SLC38A8: variants seen among roughly 807,000 people sequenced by gnomAD.
SLC38A8 encodes the protein amino acid transporter SLC38A8.
A neutral mutation model predicts 46.0 loss-of-function variants in SLC38A8; 65 were observed. The observed-to-expected ratio is 1.41, with a 90% CI of 1.16 to 1.74. The LOEUF is 1.74. Ranked by LOEUF, SLC38A8 falls within the 40% of genes most tolerant of loss-of-function variation. The pLI, the probability that SLC38A8 is intolerant of heterozygous loss-of-function variation, is 0.00. For missense variants in SLC38A8, 998 were observed against 567.9 expected (o/e 1.76, Z -7.70); for synonymous variants, 447 against 243.7 (o/e 1.83, Z -7.77).
At chr16:84,041,187 G>A (rs1051519547) in intron 2 of SLC38A8, 1 of 152,304 alleles carries the variant, frequency 6.6e-6, no homozygotes, top group Admixed American at 6.5e-5. Flanking sequence ...TTCCCCAAAA[G>A]GGAATTCTGG....
chr16:84,030,656 A>C (rs1331989574), intron 5 of SLC38A8, among the ~76,000 whole-genome samples: 1 of 152,132 alleles, frequency 6.6e-6, no homozygotes, highest in Non-Finnish European at 1.5e-5. Context: ...TCAAGCTGAG[A>C]GCTCCAAGTT....
Position 84,029,419 on chromosome 16 carries a change from G to T in SLC38A8, c.690+75C>A, listed in dbSNP as rs1242596096. ...GACGCCTCCCTGACAGAGAAACCAA[G>T]GTTTCCCAAGGGAGCAGAGAGTCAC... On this transcript the variant is annotated intron_variant, in intron 6 of 10. Coordinates refer to ENST00000299709, the MANE Select transcript of SLC38A8 (RefSeq NM_001080442.3). 3.3e-6 allele frequency: 5 copies of T among 1,524,586 alleles called. No homozygotes were observed. In the Admixed American group the frequency reaches 8.9e-5, roughly 27 times the overall value. 94.4% of individuals were successfully genotyped at this position (1,524,586 alleles called of 1,614,324 possible).
At chr16:84,041,946 G>A in intron 2 of SLC38A8, 23 bp downstream of exon 2, 2 of 1,554,582 alleles carry the variant, frequency 1.3e-6, no homozygotes, top group Non-Finnish European at 1.7e-6. Context: ...CCCGTCCCCA[G>A]GACTCACTTC....
At chr16:84,036,933 T>G (rs777541574) in intron 2 of SLC38A8, 33 bp from the exon 3 acceptor site, 2 of 1,573,978 alleles carry the variant, frequency 1.3e-6, no homozygotes, top group African/African-American at 1.4e-5. Flanking sequence ...GGAACTGGGG[T>G]GTGCCCACAG....
At chr16:84,029,312 C>T (rs2085208609) in intron 6 of SLC38A8, among the ~76,000 whole-genome samples, 182 bp downstream of exon 6, 1 of 152,230 alleles carries the variant, frequency 6.6e-6, no homozygotes, top group Non-Finnish European at 1.5e-5. Flanking sequence ...CAGACACCAA[C>T]CCATCCTCAT....
intron 6 of SLC38A8, among the ~76,000 whole-genome samples, chr16:84,023,449 G>A (rs2085119660): frequency 6.6e-6 from 1 of 152,076 alleles, no homozygotes; most frequent in African/African-American, 2.4e-5. Flanking sequence ...AAGATTTTGA[G>A]CGTTATTCCC....
chr16:84,022,665 T>C (rs146822995), intron 7 of SLC38A8, 110 bp downstream of exon 7: 25 of 780,326 alleles, frequency 3.2e-5, no homozygotes, highest in Non-Finnish European at 4.6e-5. Flanking sequence ...GCTCAAAACA[T>C]TGAGTATTGA....
At chr16:84,033,979 T>C (rs2085274882) in intron 3 of SLC38A8, among the ~76,000 whole-genome samples, 1 of 152,154 alleles carries the variant, frequency 6.6e-6, no homozygotes, top group Admixed American at 6.5e-5. Context: ...GGTAGAGAGT[T>C]AGTACAGGGC....
chr16:84,032,278 T>A (rs965697016), intron 4 of SLC38A8, among the ~76,000 whole-genome samples: 2 of 152,140 alleles, frequency 1.3e-5, no homozygotes, highest in Non-Finnish European at 2.9e-5. Context: ...AAACTCTGCC[T>A]CCCGGGTTCA....
chr16:84,037,058 A>G (rs1567703996), intron 2 of SLC38A8, among the ~76,000 whole-genome samples, 158 bp from the exon 3 acceptor site: 1 of 151,858 alleles, frequency 6.6e-6, no homozygotes, highest in Non-Finnish European at 1.5e-5. Flanking sequence ...ATGTCACTGC[A>G]CACACCCCCA....
chr16:84,032,554 C>G (rs1309697425), intron 4 of SLC38A8, among the ~76,000 whole-genome samples: 1 of 152,178 alleles, frequency 6.6e-6, no homozygotes, highest in Admixed American at 6.5e-5. Flanking sequence ...TTCCCACCAG[C>G]AAAAGCTAAT....
intron 7 of SLC38A8, among the ~76,000 whole-genome samples, chr16:84,018,289 G>A (rs1025866315): frequency 7.2e-6 from 1 of 139,384 alleles, no homozygotes; most frequent in South Asian, 2.3e-4. Context: ...CTGGAGTGCA[G>A]TGGCACGATC....
At chr16:84,027,833 G>T (rs1333186015) in intron 6 of SLC38A8, among the ~76,000 whole-genome samples, 1 of 152,192 alleles carries the variant, frequency 6.6e-6, no homozygotes, top group Non-Finnish European at 1.5e-5. Context: ...GGCGGCCCCG[G>T]CGTAGGTCTG....
At chr16:84,017,363 G>T (rs546004435) in intron 7 of SLC38A8, 76 bp from the exon 8 acceptor site, 1 of 1,550,496 alleles carries the variant, frequency 6.4e-7, no homozygotes, top group Non-Finnish European at 8.8e-7. Context: ...CAGACAGACA[G>T]CGCCTGGCTT....
Position 84,036,693 on chromosome 16 carries a change from G to C in SLC38A8, c.388+9C>G. 6.2e-7 allele frequency: 1 copy of C among 1,613,986 alleles called. No homozygotes were observed. Among genetic ancestry groups the C allele is most frequent in the Non-Finnish European group, 8.5e-7 (1 of 1,180,008 alleles). The stretch of plus-strand genomic sequence containing the variant: ...CCTGGGCCACCCCGAGTCCCATGAA[G>C]GTACTTACGCTTCTCCAGCTGGTCC... On this transcript the variant is annotated intron_variant, in intron 3 of 10. Coordinates refer to ENST00000299709, the MANE Select transcript of SLC38A8 (RefSeq NM_001080442.3).
At chr16:84,040,383 A>C (rs74670621) in intron 2 of SLC38A8, among the ~76,000 whole-genome samples, 7,166 of 152,254 alleles carry the variant, frequency 0.047, 190 homozygotes, top group Middle Eastern at 0.16. Flanking sequence ...AAGCAAAACA[A>C]AACAGCTGTT....
At position 84,009,749 on chromosome 16, in the gene SLC38A8, C is replaced by T. The variant is rs765356321; in HGVS notation, c.*35G>A. The stretch of plus-strand genomic sequence containing the variant: ...ACAGCAGCCACGTAGGGTCAGCCCC[C>T]GGAGGGCCCCTTCCTGCCCGGCACT... On this transcript the variant is annotated 3_prime_UTR_variant, in exon 11 of 11. Coordinates refer to ENST00000299709, the MANE Select transcript of SLC38A8 (RefSeq NM_001080442.3). 1.7e-5 allele frequency: 27 copies of T among 1,593,722 alleles called. No individual in the cohort carries two copies. The highest frequency in any genetic ancestry group is 2.7e-5 in the African/African-American group (2 of 74,150).
intron 10 of SLC38A8, among the ~76,000 whole-genome samples, chr16:84,011,362 C>T (rs933664117): frequency 9.2e-5 from 14 of 152,208 alleles, no homozygotes; most frequent in Non-Finnish European, 2.1e-4. Context: ...GGTTACCAGA[C>T]ATTGGGAGGC....
chr16:84,019,640 A>T (rs924320871), intron 7 of SLC38A8, among the ~76,000 whole-genome samples: 2 of 152,198 alleles, frequency 1.3e-5, no homozygotes, highest in East Asian at 3.9e-4. Context: ...CCCCATGGTT[A>T]TTCCAACCCC....
Sources: gnomAD v4.1 joint callset for allele counts (sites outside exome capture counted in the v4.1 genomes callset) on GRCh38, gnomAD v4.1.1 for gene constraint, MANE v1.5 for transcripts, NCBI Gene and HGNC (gene_info 2026-07-23, HGNC 2026-07-21) for gene names.